FAAP20: variants seen among roughly 807,000 people sequenced by gnomAD.
FAAP20 encodes the protein FA core complex associated protein 20.
Under a neutral mutation model 16.2 loss-of-function variants are expected in FAAP20, and 12 were observed. The observed-to-expected ratio is 0.74, with a 90% CI of 0.48 to 1.20. The LOEUF is 1.20. FAAP20 is among the 50% of genes most tolerant of loss of function. The pLI, the probability that FAAP20 is intolerant of heterozygous loss-of-function variation, is 0.00. For synonymous variants in FAAP20, 141 were observed against 110.7 expected (o/e 1.27, Z -1.72); for missense variants, 288 against 245.8 (o/e 1.17, Z -1.15).
At position 2,193,677 on chromosome 1, in the gene FAAP20, C is replaced by A; in HGVS notation, c.432G>T (p.Leu144=). Residue 144 remains leucine (L), a synonymous_variant, in exon 3 of 4, where the codon CTG becomes CTT. Coordinates refer to ENST00000378546, the MANE Select transcript of FAAP20 (RefSeq NM_182533.4). ...CCTTCTGGCACATGGGGCAGCTGCGCAGGGCCGCGGCACCCTCCACAGACG... is the reference window on the plus strand; with the variant it reads ...CCTTCTGGCACATGGGGCAGCTGCGAAGGGCCGCGGCACCCTCCACAGACG... ...QQPSVEGAAA[L]RSCPMCQKEF... is the part of the protein sequence containing the mutation. 6.2e-7 allele frequency: 1 copy of A among 1,601,006 alleles called. No homozygotes were observed. The highest frequency in any genetic ancestry group is 2.2e-5 in the East Asian group (1 of 44,748).
chr1:2,200,864 C>T, upstream of FAAP20: 1 of 1,074,570 alleles, frequency 9.3e-7, no homozygotes, highest in African/African-American at 1.7e-5. Context: ...GAAACCTCTG[C>T]AGGTGGAGAG....
upstream of FAAP20, among the ~76,000 whole-genome samples, chr1:2,195,028 C>A (rs1037440770): frequency 4.6e-5 from 7 of 152,106 alleles, no homozygotes; most frequent in Middle Eastern, 3.4e-3. Context: ...GCCGGAGCCC[C>A]CTCCGTTACC....
chr1:2,194,802 G>GGCCCC, upstream of FAAP20: 1 of 1,024,786 alleles, frequency 9.8e-7, no homozygotes, highest in Non-Finnish European at 1.2e-6. Flanking sequence ...GCCCCTCCAG[G>GGCCCC]CCCCGCCCCC....
chr1:2,185,046 A>T, downstream of FAAP20: 2 of 1,554,872 alleles, frequency 1.3e-6, no homozygotes, highest in Non-Finnish European at 1.8e-6. Context: ...CGCGTGATTG[A>T]CCCTTTAACT....
chr1:2,185,558 G>A (rs746452070), downstream of FAAP20: 32 of 711,560 alleles, frequency 4.5e-5, no homozygotes, highest in African/African-American at 2.5e-4. Flanking sequence ...TAAAAACCCC[G>A]GTAAGTTCCT....
At chr1:2,211,431 A>ATT (rs1557797961), downstream of FAAP20, among the ~76,000 whole-genome samples, 2 of 15,324 alleles carry the variant, frequency 1.3e-4, no homozygotes, top group Non-Finnish European at 1.9e-4. Flanking sequence ...ATATATATAT[A>ATT]TATATTTTTT....
At chr1:2,211,704 C>T (rs1689451995), downstream of FAAP20, among the ~76,000 whole-genome samples, 1 of 151,406 alleles carries the variant, frequency 6.6e-6, no homozygotes, top group South Asian at 2.1e-4. Flanking sequence ...CTGCCTCGGC[C>T]TCCCAAAGTG....
At chr1:2,199,567 C>G, upstream of FAAP20, 2 of 985,886 alleles carry the variant, frequency 2.0e-6, no homozygotes, top group Non-Finnish European at 2.4e-6. This position sits in a 1 kb window ranked among gnomAD's most constrained non-coding sequence, Gnocchi z 4.5. Context: ...GGAGTGGAGA[C>G]CTCTCAGGGC....
intron 1 of FAAP20, 124 bp from the exon 2 acceptor site, chr1:2,194,257 G>C: frequency 7.5e-7 from 1 of 1,332,838 alleles, no homozygotes; most frequent in Non-Finnish European, 1.0e-6. Flanking sequence ...AAATTCGATG[G>C]TGCGGGAGGT....
downstream of FAAP20, chr1:2,184,693 C>T (rs372185607): frequency 1.3e-5 from 21 of 1,612,886 alleles, no homozygotes; most frequent in Middle Eastern, 1.6e-4. Flanking sequence ...TGACCCCAGA[C>T]GATGAGTGAG....
chr1:2,186,080 G>A (rs1294914993), downstream of FAAP20: 1 of 454,202 alleles, frequency 2.2e-6, no homozygotes, highest in African/African-American at 2.0e-5. Context: ...TGTCAGGTGT[G>A]GCAGAGCCGT....
chr1:2,207,966 G>A (rs540117293), downstream of FAAP20, among the ~76,000 whole-genome samples: 12 of 152,090 alleles, frequency 7.9e-5, no homozygotes, highest in African/African-American at 2.4e-4. Flanking sequence ...CCGTGCGCGC[G>A]CGCATGCGTG....
At chr1:2,207,782 C>G (rs1424466546), downstream of FAAP20, 1 of 152,482 alleles carries the variant, frequency 6.6e-6, no homozygotes, top group Non-Finnish European at 1.5e-5. Flanking sequence ...AGCTCTGTCC[C>G]GGCTCCAGTG....
intron 3 of FAAP20, chr1:2,192,084 G>A: frequency 6.1e-6 from 6 of 985,574 alleles, no homozygotes; most frequent in Non-Finnish European, 7.2e-6. Flanking sequence ...CGCCTGTGCG[G>A]GACAGGGCGA....
upstream of FAAP20, among the ~76,000 whole-genome samples, chr1:2,204,658 C>T (rs1569586005): frequency 6.6e-6 from 1 of 152,236 alleles, no homozygotes; most frequent in East Asian, 1.9e-4. Flanking sequence ...TCCCACTGCC[C>T]CTGACCCCAC....
upstream of FAAP20, chr1:2,194,785 C>T: frequency 1.8e-6 from 2 of 1,137,224 alleles, no homozygotes; most frequent in Non-Finnish European, 2.2e-6. Flanking sequence ...GCGCAAGCCC[C>T]GCCCCCGCCC....
upstream of FAAP20, chr1:2,198,838 G>A (rs563740274): frequency 2.8e-4 from 355 of 1,289,776 alleles, 1 homozygote; most frequent in African/African-American, 3.6e-3. Flanking sequence ...CTGCTGGCCC[G>A]TGGATGCCAG....
At chr1:2,201,777 G>C (rs201556877), upstream of FAAP20, among the ~76,000 whole-genome samples, 18 of 152,028 alleles carry the variant, frequency 1.2e-4, no homozygotes, top group East Asian at 3.5e-3. Flanking sequence ...CAGCACTTTG[G>C]GAGGCCAAGG....
At chr1:2,185,080 A>G (rs1687378388), downstream of FAAP20, 2 of 1,422,662 alleles carry the variant, frequency 1.4e-6, no homozygotes, top group Non-Finnish European at 1.9e-6. Flanking sequence ...CCGCATATGC[A>G]TGCCAGGCTG....
Sources: gnomAD v4.1 joint callset for allele counts (sites outside exome capture counted in the v4.1 genomes callset) on GRCh38, gnomAD v4.1.1 for gene constraint, Gnocchi (gnomAD v3.1) non-coding constraint, MANE v1.5 for transcripts, NCBI Gene and HGNC (gene_info 2026-07-23, HGNC 2026-07-21) for gene names.